UTRN: variants seen among roughly 807,000 people sequenced by gnomAD.
The protein encoded by UTRN is utrophin.
In UTRN, 283 loss-of-function variants were observed where a neutral mutation model predicts 463.9. The ratio of observed to expected loss-of-function variants is 0.61; its 90% CI spans 0.55 to 0.67. UTRN has a LOEUF of 0.67. UTRN is among the 30% of genes least tolerant of loss of function. The pLI is 0.00. For synonymous variants in UTRN, 1,442 were observed against 1,431.5 expected, an observed-to-expected ratio of 1.01 and a Z score of -0.17; for missense variants, 3,922 against 4,084.3, an observed-to-expected ratio of 0.96 and a Z score of 1.08.
At chr6:144,374,823 G>A (rs547880226) in intron 2 of UTRN, among the ~76,000 whole-genome samples, 6 of 151,606 alleles carry the variant, frequency 4.0e-5, no homozygotes, top group Non-Finnish European at 8.8e-5. Context: ...GCCTGCGCCT[G>A]TAATCCCAGG....
chr6:144,343,611 G>T (rs1028154797), intron 2 of UTRN, among the ~76,000 whole-genome samples: 3 of 152,094 alleles, frequency 2.0e-5, no homozygotes, highest in Admixed American at 2.0e-4. Flanking sequence ...GGAAAAATTT[G>T]TCTAAATGGT....
chr6:144,555,472 G>A (rs1007171429), intron 49 of UTRN, among the ~76,000 whole-genome samples: 19 of 152,102 alleles, frequency 1.2e-4, no homozygotes, highest in African/African-American at 4.1e-4. Flanking sequence ...TCACTCTGCC[G>A]CCCAGGCTGG....
At chr6:144,427,097 A>G (rs1188614261) in intron 7 of UTRN, among the ~76,000 whole-genome samples, 1 of 152,204 alleles carries the variant, frequency 6.6e-6, no homozygotes, top group Non-Finnish European at 1.5e-5. Context: ...GGTTCAACCT[A>G]ATAAAATTAA....
intron 53 of UTRN, among the ~76,000 whole-genome samples, chr6:144,713,794 C>T (rs1428306158): frequency 6.6e-6 from 1 of 151,454 alleles, no homozygotes; most frequent in Non-Finnish European, 1.5e-5. Flanking sequence ...GCGGCACATG[C>T]CTGTAATCCC....
At chr6:144,711,231 G>A (rs964617078) in intron 53 of UTRN, among the ~76,000 whole-genome samples, 1 of 151,858 alleles carries the variant, frequency 6.6e-6, no homozygotes, top group Non-Finnish European at 1.5e-5. Flanking sequence ...CAGTAGAATC[G>A]CTTGAACCCA....
In UTRN at chr6:144,421,882, G is replaced by A. The variant is rs140177838; in HGVS notation, c.146G>A (p.Gly49Glu). The A allele has an allele frequency of 1.9e-6, 3 of 1,610,230 alleles. No individual in the cohort carries two copies. In the African/African-American group the frequency reaches 4.0e-5, roughly 22 times the overall value. Residue 49 changes from glycine (G) to glutamate (E), a missense_variant, in exon 4 of 75, where the codon GGG (glycine) becomes GAG (glutamate). Around this residue, in one of 3 missense-constraint regions of UTRN, gnomAD observed 264 missense variants for 327.9 expected, o/e 0.81. Transcript: ENST00000367545. ...KWINARFSKS[G>E]KPPINDMFTD... The stretch of plus-strand genomic sequence containing the variant: ...ATTTGTGTTTTTCTTTTACAGAGTG[G>A]GAAACCACCCATCAATGATATGTTC...
intron 1 of UTRN, among the ~76,000 whole-genome samples, chr6:144,288,080 T>TA (rs1803861009): frequency 6.6e-6 from 1 of 152,252 alleles, no homozygotes; most frequent in Non-Finnish European, 1.5e-5. Flanking sequence ...TCCTTTGCCT[T>TA]AAGTGTACTC....
intron 61 of UTRN, among the ~76,000 whole-genome samples, chr6:144,783,354 G>T (rs1381965185): frequency 6.6e-6 from 1 of 152,156 alleles, no homozygotes; most frequent in African/African-American, 2.4e-5. Flanking sequence ...ACATTCAGGA[G>T]CTGATTGGTT....
chr6:144,511,633 A>G (rs1332255038), intron 35 of UTRN, among the ~76,000 whole-genome samples: 1 of 152,156 alleles, frequency 6.6e-6, no homozygotes, highest in Non-Finnish European at 1.5e-5. Flanking sequence ...TTTTGCAATG[A>G]TTGATTATGA....
At chr6:144,728,073 C>G (rs1274357200) in intron 53 of UTRN, among the ~76,000 whole-genome samples, 3 of 145,918 alleles carry the variant, frequency 2.1e-5, no homozygotes, top group Non-Finnish European at 3.0e-5. Context: ...TTCACTCCAG[C>G]CTGGGTGACA....
rs1805873161 is a variant in UTRN, at chr6:144,307,789, A to G, written c.79+15882A>G. Among the ~76,000 whole-genome samples the G allele has an allele frequency of 1.3e-5, 2 of 151,402 alleles. 1 individual carries two copies. Among genetic ancestry groups the G allele is most frequent in the Admixed American group, 1.3e-4 (2 of 15,218 alleles). The stretch of plus-strand genomic sequence containing the variant: ...TGCTAAAAGTGGCAAATAATCAGAC[A>G]TAGATTACTAATTAACAGTCTGCCT... On this transcript the variant is annotated intron_variant, in intron 2 of 74. Transcript: ENST00000367545.
chr6:144,381,252 T>C (rs922110789), intron 2 of UTRN, among the ~76,000 whole-genome samples: 1 of 152,206 alleles, frequency 6.6e-6, no homozygotes, highest in African/African-American at 2.4e-5. Context: ...TAGCTCCCAC[T>C]TAAAAGTGAG....
At position 144,324,512 on chromosome 6, in the gene UTRN, A is replaced by T. The variant is rs1775857330; in HGVS notation, c.79+32605A>T. On this transcript the variant is annotated intron_variant, in intron 2 of 74. Transcript: ENST00000367545. ...CTGATGTTATTAATATTACTGTAAA[A>T]AGTCTGGGTTTGGCCATAAAGTATT... Among the ~76,000 whole-genome samples, 3 of 152,316 alleles carry T rather than the reference A, an allele frequency of 2.0e-5. No homozygotes were observed. The East Asian group carries it at 5.8e-4, about 29-fold the overall frequency.
chr6:144,490,238 G>A (rs79437890), intron 31 of UTRN, 39 bp downstream of exon 31: 2 of 1,568,684 alleles, frequency 1.3e-6, no homozygotes, highest in East Asian at 2.3e-5. Flanking sequence ...TTTTCAACTT[G>A]TTGGGAATTT....
chr6:144,583,706 T>C, intron 51 of UTRN: 1 of 456,730 alleles, frequency 2.2e-6, no homozygotes, highest in Non-Finnish European at 4.0e-6. Flanking sequence ...AGATTCCCTT[T>C]CTTAGTAACT....
Position 144,757,537 on chromosome 6 carries a change from T to C in UTRN, c.8435-392T>C, listed in dbSNP as rs552306489. Among the ~76,000 whole-genome samples, 5 of 152,228 alleles carry C rather than the reference T, an allele frequency of 3.3e-5. No individual in the cohort carries two copies. In the South Asian group the frequency reaches 1.0e-3, roughly 32 times the overall value. Reference sequence around the variant, plus strand: ...ATTAGTCATCTGGAAAATTCGGTCTTGAAAAATCTAATTTTTAATCTGGAT... The same window carrying C: ...ATTAGTCATCTGGAAAATTCGGTCTCGAAAAATCTAATTTTTAATCTGGAT... On this transcript the variant is annotated intron_variant, in intron 57 of 74. Coordinates refer to ENST00000367545, the MANE Select transcript of UTRN (RefSeq NM_007124.3).
intron 51 of UTRN, among the ~76,000 whole-genome samples, chr6:144,652,239 T>C (rs549573413): frequency 5.9e-5 from 9 of 152,332 alleles, no homozygotes; most frequent in Admixed American, 4.6e-4. Context: ...TGGACGTTCA[T>C]TTCCTTTAAT....
chr6:144,835,479 T>A (rs183292477), intron 69 of UTRN, among the ~76,000 whole-genome samples: 1 of 152,346 alleles, frequency 6.6e-6, no homozygotes, highest in African/African-American at 2.4e-5. Context: ...CTACAGTAGC[T>A]TTTATACTAA....
At chr6:144,313,600 G>A (rs1305352142) in intron 2 of UTRN, among the ~76,000 whole-genome samples, 1 of 152,214 alleles carries the variant, frequency 6.6e-6, no homozygotes, top group Non-Finnish European at 1.5e-5. Context: ...GTGGTCAGTT[G>A]GCCAAGCACC....
Sources: allele counts gnomAD v4.1 joint callset (sites outside exome capture counted in the v4.1 genomes callset), GRCh38; gene constraint gnomAD v4.1.1; regional missense constraint gnomAD v4.1.1; transcripts MANE v1.5; gene names NCBI Gene and HGNC (gene_info 2026-07-23, HGNC 2026-07-21).